KLHDC1: variants seen among roughly 807,000 people sequenced by gnomAD.
KLHDC1 encodes kelch domain containing 1.
KLHDC1 carries 53 observed loss-of-function variants against 68.3 expected under a neutral mutation model. The observed-to-expected ratio is 0.78, with a 90% CI of 0.62 to 0.98. The LOEUF (loss-of-function observed/expected upper bound fraction) is 0.98, where lower values mean the gene tolerates loss of function less well. Ranked by LOEUF, KLHDC1 falls within the 50% of genes least tolerant of loss-of-function variation. The pLI is 0.00. For missense variants in KLHDC1, 470 were observed against 492.3 expected (o/e 0.95, Z 0.43); for synonymous variants, 148 against 159.0 (o/e 0.93, Z 0.52).
chr14:49,749,389 T>C (rs188496333), intron 12 of KLHDC1, among the ~76,000 whole-genome samples: 40 of 152,234 alleles, frequency 2.6e-4, no homozygotes, highest in African/African-American at 9.1e-4. Flanking sequence ...GTTTATTGGC[T>C]AGGTGCAATG....
Position 49,732,764 on chromosome 14 carries a change from T to A in KLHDC1, c.771T>A (p.Ala257=). Residue 257 remains alanine (A), a synonymous_variant, in exon 9 of 13, where the codon GCT becomes GCA. Coordinates refer to ENST00000359332, the MANE Select transcript of KLHDC1 (RefSeq NM_172193.3). The part of the protein sequence containing the change: ...HRSWHTLTPI[A]DDKLFLCGGL... ...CATGGCATACTTTAACACCTATAGC[T>A]GATGATAAACTTTTCCTATGTGGTG... 1 of 1,610,534 alleles carries A rather than the reference T, an allele frequency of 6.2e-7. No homozygotes were observed. The highest frequency in any genetic ancestry group is 2.2e-5 in the East Asian group (1 of 44,802).
intron 11 of KLHDC1, among the ~76,000 whole-genome samples, chr14:49,743,072 CAAAAAAAA>C (rs55778725): frequency 1.7e-5 from 1 of 58,350 alleles, no homozygotes; most frequent in Non-Finnish European, 3.0e-5. Context: ...ACCCTGTCTC[CAAAAAAAA>C]AAAAAAAAAA....
At position 49,713,827 on chromosome 14, in the gene KLHDC1, TATATA is replaced by T. The variant is rs1888284672; in HGVS notation, c.404+3447_404+3451del. Among the ~76,000 whole-genome samples, 30 of 6,254 alleles carry T rather than the reference TATATA, an allele frequency of 4.8e-3. 4 individuals are homozygous for T. Among genetic ancestry groups the T allele is most frequent in the African/African-American group, 6.4e-3 (19 of 2,952 alleles). 4.1% of individuals were successfully genotyped at this position (6,254 alleles called of 152,430 possible). On this transcript the variant is annotated intron_variant, in intron 4 of 12. Transcript: ENST00000359332. Reference sequence around the variant, plus strand: ...ATATATATATATATATATATATATATATATATATATATATATATATATATTTTTTT... The same window carrying T: ...ATATATATATATATATATATATATATTATATATATATATATATATTTTTTT...
chr14:49,740,742 G>T (rs947071248), intron 11 of KLHDC1, among the ~76,000 whole-genome samples: 4 of 152,112 alleles, frequency 2.6e-5, no homozygotes, highest in Non-Finnish European at 4.4e-5. Flanking sequence ...CCTTTTAAAG[G>T]ATGACTCCTC....
At chr14:49,699,981 G>T in intron 1 of KLHDC1, 1 of 286,194 alleles carries the variant, frequency 3.5e-6, no homozygotes, top group South Asian at 2.8e-5. Flanking sequence ...CTAATCATTT[G>T]AACAGTATTA....
chr14:49,724,007 CT>C, intron 5 of KLHDC1, 55 bp downstream of exon 5: 1 of 971,828 alleles, frequency 1.0e-6, no homozygotes, highest in Non-Finnish European at 1.6e-6. Context: ...GCCTTAACAT[CT>C]TAGAAATAAT....
At chr14:49,748,039 G>T (rs1889239718) in intron 12 of KLHDC1, among the ~76,000 whole-genome samples, 1 of 152,214 alleles carries the variant, frequency 6.6e-6, no homozygotes, top group Admixed American at 6.5e-5. Context: ...AGAGTCCAAA[G>T]AGTAAGGGAA....
At chr14:49,703,288 A>T (rs1887957638) in intron 1 of KLHDC1, among the ~76,000 whole-genome samples, 1 of 151,082 alleles carries the variant, frequency 6.6e-6, no homozygotes, top group African/African-American at 2.4e-5. Context: ...CTTCACATAC[A>T]TCTCTAAACA....
intron 10 of KLHDC1, 128 bp from the exon 11 acceptor site, chr14:49,739,970 G>T: frequency 5.5e-6 from 3 of 547,614 alleles, no homozygotes; most frequent in Non-Finnish European, 9.6e-6. Context: ...TATTCCAAAG[G>T]TTCAAGTTCA....
chr14:49,729,953 G>C (rs1888762119), intron 8 of KLHDC1, among the ~76,000 whole-genome samples: 1 of 152,050 alleles, frequency 6.6e-6, no homozygotes, highest in East Asian at 1.9e-4. Context: ...TAATGAGATG[G>C]AATCAGAGCT....
intron 2 of KLHDC1, 126 bp from the exon 3 acceptor site, chr14:49,709,583 C>A: frequency 2.0e-6 from 1 of 490,858 alleles, no homozygotes; most frequent in Non-Finnish European, 3.6e-6. Flanking sequence ...CATTATTGGC[C>A]ACCATTACAT....
At chr14:49,734,357 A>G (rs574647602) in intron 9 of KLHDC1, among the ~76,000 whole-genome samples, 1 of 152,328 alleles carries the variant, frequency 6.6e-6, no homozygotes, top group South Asian at 2.1e-4. Context: ...CAATAATAAC[A>G]AAAAGATAAG....
chr14:49,740,401 G>A lies in KLHDC1; in HGVS notation c.981+219G>A, dbSNP rs1320373123. On this transcript the variant is annotated intron_variant, in intron 11 of 12. Transcript: ENST00000359332. ...CCCCCAGGCTGGAGTGCAGTGGTGC[G>A]ATCTCGGCTCACTGCAAGCTCTGCC... Among the ~76,000 whole-genome samples, 13 of 152,166 alleles carry A rather than the reference G, an allele frequency of 8.5e-5. No individual in the cohort carries two copies. The South Asian group carries it at 2.1e-3, about 24-fold the overall frequency.
Position 49,725,668 on chromosome 14 carries a change from A to C in KLHDC1, c.484-18A>C, listed in dbSNP as rs1196594969. 5.4e-6 allele frequency: 6 copies of C among 1,116,708 alleles called. No individual in the cohort carries two copies. The South Asian group carries it at 8.6e-5, about 16-fold the overall frequency. 69.2% of individuals were successfully genotyped at this position (1,116,708 alleles called of 1,614,324 possible). A position where few individuals can be genotyped will look rare whatever the true frequency, so the allele number is the denominator to read the frequency against. On this transcript the variant is annotated intron_variant, in intron 5 of 12. Coordinates refer to ENST00000359332, the MANE Select transcript of KLHDC1 (RefSeq NM_172193.3). ...AAATTATTAAAGCTTTGAGATATTT[A>C]AAACATTTCTCTTTTAGGAAGAGCA...
intron 12 of KLHDC1, among the ~76,000 whole-genome samples, chr14:49,746,500 G>T (rs1594685455): frequency 6.6e-6 from 1 of 152,082 alleles, no homozygotes; most frequent in Admixed American, 6.6e-5. Flanking sequence ...AGAGAAGGGA[G>T]ATCTGAACAA....
chr14:49,736,571 A>G (rs998182339), intron 10 of KLHDC1, among the ~76,000 whole-genome samples: 12 of 152,198 alleles, frequency 7.9e-5, no homozygotes, highest in African/African-American at 2.7e-4. Context: ...TAATTTTTAT[A>G]AAAGTGACAA....
chr14:49,746,182 T>C (rs1018280284), intron 12 of KLHDC1, among the ~76,000 whole-genome samples: 2 of 152,286 alleles, frequency 1.3e-5, no homozygotes, highest in East Asian at 1.9e-4. Context: ...GAAGATGGCA[T>C]AAGGGTAGAA....
intron 11 of KLHDC1, among the ~76,000 whole-genome samples, chr14:49,742,634 C>A (rs1889091061): frequency 6.8e-6 from 1 of 147,636 alleles, no homozygotes; most frequent in Non-Finnish European, 1.5e-5. Context: ...GATCGCACCA[C>A]CGCACTCTAG....
At chr14:49,745,991 A>G (rs1402876165) in intron 12 of KLHDC1, among the ~76,000 whole-genome samples, 3 of 152,224 alleles carry the variant, frequency 2.0e-5, no homozygotes, top group Admixed American at 6.5e-5. Context: ...ATTGGTAAAG[A>G]GACTATTACA....
Sources: gnomAD v4.1 joint callset for allele counts (sites outside exome capture counted in the v4.1 genomes callset) on GRCh38, gnomAD v4.1.1 for gene constraint, MANE v1.5 for transcripts, NCBI Gene and HGNC (gene_info 2026-07-23, HGNC 2026-07-21) for gene names.